Variants in SNTG1 observed in about 807,000 individuals in gnomAD.
SNTG1 encodes the protein gamma-1-syntrophin.
Under a neutral mutation model 74.7 loss-of-function variants are expected in SNTG1, and 39 were observed. The observed-to-expected ratio is 0.52, with a 90% confidence interval of 0.40 to 0.68. The LOEUF (loss-of-function observed/expected upper bound fraction) is 0.68, where lower values mean the gene tolerates loss of function less well. Ranked by LOEUF, SNTG1 falls within the 30% of genes least tolerant of loss-of-function variation. The pLI is 0.00. For missense variants in SNTG1, 685 were observed against 609.5 expected (o/e 1.12, Z -1.30); for synonymous variants, 254 against 217.1 (o/e 1.17, Z -1.49).
intron 2 of SNTG1, among the ~76,000 whole-genome samples, chr8:50,311,935 G>A (rs927182417): frequency 1.3e-5 from 2 of 152,022 alleles, no homozygotes; most frequent in African/African-American, 4.8e-5. Flanking sequence ...TGTTCTCCTG[G>A]GATCACTGCA....
At chr8:50,734,163 A>G (rs1482603564) in intron 17 of SNTG1, among the ~76,000 whole-genome samples, 2 of 151,774 alleles carry the variant, frequency 1.3e-5, no homozygotes, top group Non-Finnish European at 2.9e-5. Context: ...GGAAACATTG[A>G]AGATGAATTG....
chr8:50,461,022 C>A (rs1282754891), intron 8 of SNTG1, among the ~76,000 whole-genome samples: 1 of 151,858 alleles, frequency 6.6e-6, no homozygotes, highest in Non-Finnish European at 1.5e-5. Flanking sequence ...TTACAGGATC[C>A]CATCAGAATA....
chr8:50,526,508 C>T (rs1323693691), intron 9 of SNTG1, among the ~76,000 whole-genome samples: 1 of 152,052 alleles, frequency 6.6e-6, no homozygotes, highest in African/African-American at 2.4e-5. Context: ...GCTTTCTTAA[C>T]TATATATTGT....
chr8:50,177,691 G>A (rs148286238), intron 2 of SNTG1, among the ~76,000 whole-genome samples: 237 of 152,258 alleles, frequency 1.6e-3, no homozygotes, highest in East Asian at 9.5e-3. Context: ...TGCATACACA[G>A]CCCCACACTT....
At chr8:50,120,653 C>G (rs1306628696) in intron 1 of SNTG1, among the ~76,000 whole-genome samples, 1 of 141,988 alleles carries the variant, frequency 7.0e-6, no homozygotes, top group Non-Finnish European at 1.6e-5. Flanking sequence ...CCAACCTCAC[C>G]ACCACTATTA....
intron 1 of SNTG1, among the ~76,000 whole-genome samples, chr8:50,018,142 T>C (rs1211971819): frequency 6.6e-6 from 1 of 152,008 alleles, no homozygotes; most frequent in African/African-American, 2.4e-5. Context: ...TCCTAGCAAG[T>C]GTTTTGCATA....
chr8:50,774,948 A>G (rs2095636433), intron 18 of SNTG1, among the ~76,000 whole-genome samples: 1 of 150,960 alleles, frequency 6.6e-6, no homozygotes. Flanking sequence ...TAAAAATGGG[A>G]GAATTAAAAT....
At chr8:50,238,859 A>G (rs1413625295) in intron 2 of SNTG1, among the ~76,000 whole-genome samples, 1 of 152,220 alleles carries the variant, frequency 6.6e-6, no homozygotes, top group Non-Finnish European at 1.5e-5. Flanking sequence ...TCCCAAAAGA[A>G]GAAATACACA....
chr8:50,027,409 T>C (rs1053666940), intron 1 of SNTG1, among the ~76,000 whole-genome samples: 2 of 152,190 alleles, frequency 1.3e-5, no homozygotes, highest in Non-Finnish European at 2.9e-5. Flanking sequence ...AAAATCTCTG[T>C]CTACCCAGAA....
At chr8:50,329,263 G>A (rs2130864969) in intron 2 of SNTG1, among the ~76,000 whole-genome samples, 1 of 152,172 alleles carries the variant, frequency 6.6e-6, no homozygotes, top group East Asian at 1.9e-4. Flanking sequence ...GAGGACAGTG[G>A]CCCCCTTCTT....
intron 15 of SNTG1, among the ~76,000 whole-genome samples, chr8:50,689,399 C>G (rs919519005): frequency 2.0e-5 from 3 of 152,012 alleles, no homozygotes; most frequent in African/African-American, 7.3e-5. Context: ...ATAGATAGCT[C>G]TTATTTTTTT....
intron 1 of SNTG1, among the ~76,000 whole-genome samples, chr8:50,079,382 C>T (rs1286572298): frequency 6.7e-6 from 1 of 150,112 alleles, no homozygotes; most frequent in Non-Finnish European, 1.5e-5. Flanking sequence ...TGTTCATATC[C>T]TTTGCCCACT....
At chr8:50,607,637 A>T (rs1207981556) in intron 13 of SNTG1, among the ~76,000 whole-genome samples, 3 of 149,648 alleles carry the variant, frequency 2.0e-5, no homozygotes, top group Non-Finnish European at 3.0e-5. Flanking sequence ...AATTTTGTTG[A>T]TTTTTCCAAA....
At chr8:50,069,823 G>A (rs551856300) in intron 1 of SNTG1, among the ~76,000 whole-genome samples, 1 of 151,674 alleles carries the variant, frequency 6.6e-6, no homozygotes, top group Non-Finnish European at 1.5e-5. Context: ...TTCCTGCTGG[G>A]TTCACTAAGG....
At chr8:50,363,076 A>G (rs2092005975) in intron 2 of SNTG1, among the ~76,000 whole-genome samples, 2 of 152,166 alleles carry the variant, frequency 1.3e-5, no homozygotes, top group South Asian at 4.1e-4. Flanking sequence ...TTTGTTTTAT[A>G]TTTATTTTTA....
intron 2 of SNTG1, among the ~76,000 whole-genome samples, chr8:50,188,150 T>C (rs888216246): frequency 6.6e-6 from 1 of 152,162 alleles, no homozygotes; most frequent in African/African-American, 2.4e-5. Context: ...AGAACACGAA[T>C]ATCTTTATGG....
At chr8:50,023,643 G>A (rs1817016546) in intron 1 of SNTG1, among the ~76,000 whole-genome samples, 1 of 152,104 alleles carries the variant, frequency 6.6e-6, no homozygotes, top group African/African-American at 2.4e-5. Flanking sequence ...CTTTTTGACA[G>A]TAAAACACTT....
intron 1 of SNTG1, among the ~76,000 whole-genome samples, chr8:49,945,269 A>C (rs1809070139): frequency 6.6e-6 from 1 of 152,180 alleles, no homozygotes; most frequent in African/African-American, 2.4e-5. Context: ...AAACTCACAG[A>C]CTGTTAGAAT....
chr8:50,455,311 C>T (rs960738310), intron 8 of SNTG1, among the ~76,000 whole-genome samples: 4 of 152,126 alleles, frequency 2.6e-5, no homozygotes, highest in African/African-American at 9.7e-5. Context: ...TTTCTGCTTT[C>T]AGACTTGAGA....
Sources: allele counts gnomAD v4.1 joint callset (sites outside exome capture counted in the v4.1 genomes callset), GRCh38; gene constraint gnomAD v4.1.1; transcripts MANE v1.5; gene names NCBI Gene and HGNC (gene_info 2026-07-23, HGNC 2026-07-21).